CLU: variants seen among roughly 807,000 people sequenced by gnomAD.
CLU encodes aging-associated protein 4.
CLU carries 25 observed loss-of-function variants against 46.4 expected under a neutral mutation model. The observed-to-expected ratio is 0.54, with a 90% CI of 0.39 to 0.75. CLU has a LOEUF of 0.75. Ranked by LOEUF, CLU falls within the 30% of genes least tolerant of loss-of-function variation. The pLI is 0.00. For missense variants in CLU, 504 were observed against 592.1 expected (o/e 0.85, Z 1.54); for synonymous variants, 235 against 235.1 (o/e 1.00, Z 0.00).
At chr8:27,598,806 A>C (rs1800664062) in intron 7 of CLU, 171 bp from the exon 8 acceptor site, 2 of 659,420 alleles carry the variant, frequency 3.0e-6, no homozygotes, top group Non-Finnish European at 5.3e-6. Flanking sequence ...CTCAGTGGAC[A>C]GAACGGACCT....
rs1221611038 is a variant in CLU at position 27,605,114 on chromosome 8, G to A, written c.639C>T (p.His213=). 6.2e-7 allele frequency: 1 copy of A among 1,614,176 alleles called. No homozygotes were observed. The highest frequency in any genetic ancestry group is 1.1e-5 in the South Asian group (1 of 91,082). Reference sequence around the variant, plus strand: ...TGGGAAAGAAGAAGTGAGGCCTCCGGTGGGGCAGGCTGAAGGGCAGGTAGT... The same window carrying A: ...TGGGAAAGAAGAAGTGAGGCCTCCGATGGGGCAGGCTGAAGGGCAGGTAGT... ...TYHYLPFSLP[H]RRPHFFFPKS... is the part of the protein sequence containing the mutation. The change falls in exon 5 of 9, where the codon CAC becomes CAT. Residue 213 remains histidine, a synonymous_variant. Transcript: ENST00000316403.
rs936356166 is a variant in CLU at position 27,597,230 on chromosome 8, G to A, written c.*1011C>T. ...GCAGCCAGATGAGTTTTGTTCCATT[G>A]CAGTACATCTGATGACCAGAATTCT... On this transcript the variant is annotated 3_prime_UTR_variant, in exon 9 of 9. Coordinates refer to ENST00000316403, the MANE Select transcript of CLU (RefSeq NM_001831.4). The A allele has an allele frequency of 2.2e-6, 1 of 454,300 alleles. No individual in the cohort carries two copies. The highest frequency in any genetic ancestry group is 4.4e-6 in the Non-Finnish European group (1 of 226,790). 28.1% of individuals were successfully genotyped at this position (454,300 alleles called of 1,614,324 possible).
intron 6 of CLU, 79 bp downstream of exon 6, chr8:27,604,212 G>GGCA: frequency 9.1e-7 from 1 of 1,100,382 alleles, no homozygotes; most frequent in East Asian, 2.4e-5. Context: ...ACTCCATAAA[G>GGCA]GCAGCACCAG....
rs934053534 is a variant in CLU, at chr8:27,599,392, A to G, written c.1164+388T>C. The G allele has an allele frequency of 4.2e-5, 11 of 264,326 alleles. No individual in the cohort carries two copies. The highest frequency in any genetic ancestry group is 2.4e-4 in the African/African-American group (11 of 44,914). 16.4% of individuals were successfully genotyped at this position (264,326 alleles called of 1,614,324 possible). A position where few individuals can be genotyped will look rare whatever the true frequency, so the allele number is the denominator to read the frequency against. ...CTGGCAGAGAGTGATGTACTAATTC[A>G]TAAGCCATTTTACATGCCAGAGGGC... On this transcript the variant is annotated intron_variant, in intron 7 of 8. Coordinates refer to ENST00000316403, the MANE Select transcript of CLU (RefSeq NM_001831.4). The surrounding 1 kb of genome is among the most constrained non-coding windows in gnomAD (Gnocchi z 4.0).
chr8:27,609,456 G>A (rs1800882908), intron 2 of CLU, among the ~76,000 whole-genome samples: 1 of 151,626 alleles, frequency 6.6e-6, no homozygotes, highest in South Asian at 2.1e-4. Flanking sequence ...TTGTTATTTT[G>A]GACACAAATC....
chr8:27,598,414 GACTC>G (rs1357992600), intron 8 of CLU, 42 bp downstream of exon 8: 29 of 1,611,864 alleles, frequency 1.8e-5, no homozygotes, highest in Non-Finnish European at 2.5e-5. Context: ...GGCTCCCAGA[GACTC>G]ACTGGGCCCT....
In CLU at chr8:27,610,404, C is replaced by A. The variant is rs1459059333; in HGVS notation, c.97+71G>T. 4 of 1,229,316 alleles carry A rather than the reference C, an allele frequency of 3.3e-6. No homozygotes were observed. The East Asian group carries it at 7.0e-5, about 21-fold the overall frequency. The allele number at this position is 1,229,316 out of a possible 1,614,324, so 76.2% of individuals were successfully genotyped here. A position where few individuals can be genotyped will look rare whatever the true frequency, so the allele number is the denominator to read the frequency against. Reference sequence around the variant, plus strand: ...TGGGGCCTGATAGAGAGGCACTGAGCAGAATTAGCTACCCTGCCCTCTGAC... The same window carrying A: ...TGGGGCCTGATAGAGAGGCACTGAGAAGAATTAGCTACCCTGCCCTCTGAC... On this transcript the variant is annotated intron_variant, in intron 2 of 8. Transcript: ENST00000316403.
chr8:27,614,500 G>A, intron 1 of CLU, 155 bp downstream of exon 1: 1 of 352,466 alleles, frequency 2.8e-6, no homozygotes, highest in East Asian at 9.4e-5. Flanking sequence ...TGGGGCTCCG[G>A]CCACCTCCCC....
At chr8:27,606,950 G>C (rs1399235463) in intron 3 of CLU, among the ~76,000 whole-genome samples, 1 of 152,158 alleles carries the variant, frequency 6.6e-6, no homozygotes, top group South Asian at 2.1e-4. Context: ...GCCTCCTGGC[G>C]TGCAAAGGGA....
In CLU at chr8:27,614,696, G is replaced by A; in HGVS notation, c.-71C>T. 1 of 533,238 alleles carries A rather than the reference G, an allele frequency of 1.9e-6. No individual in the cohort carries two copies. Among genetic ancestry groups the A allele is most frequent in the Non-Finnish European group, 3.9e-6 (1 of 259,258 alleles). The allele number at this position is 533,238 out of a possible 1,614,324, so 33.0% of individuals were successfully genotyped here. ...GTGCCCGCGCGCTCCTCCTGGCGAC[G>A]CCGCGTTGTGGGCACTGGGAGGCGC... On this transcript the variant is annotated 5_prime_UTR_variant, in exon 1 of 9. Coordinates refer to ENST00000316403, the MANE Select transcript of CLU (RefSeq NM_001831.4).
chr8:27,612,264 C>T (rs778093041), intron 1 of CLU, among the ~76,000 whole-genome samples: 18 of 152,166 alleles, frequency 1.2e-4, no homozygotes, highest in Non-Finnish European at 1.9e-4. Context: ...GATGAGAGCC[C>T]AGCCCTCCCG....
rs1563382888 is a variant in CLU at position 27,598,508 on chromosome 8, A to G, written c.1292T>C (p.Met431Thr). Reference sequence around the variant, plus strand: ...CAGCGCTTTCTCCGCCACGGTCTCCATAAATTTAGGGTTCTTCCTGGAGAC... The same window carrying G: ...CAGCGCTTTCTCCGCCACGGTCTCCGTAAATTTAGGGTTCTTCCTGGAGAC... ...VEVSRKNPKFMETVAEKALQE... is the reference protein window; with the variant it reads ...VEVSRKNPKFTETVAEKALQE... Residue 431 changes from methionine to threonine, a missense_variant, in exon 8 of 9, where the codon ATG becomes ACG. By Grantham distance (81) the Met-to-Thr change is moderately conservative. Coordinates refer to ENST00000316403, the MANE Select transcript of CLU (RefSeq NM_001831.4). 6.2e-7 allele frequency: 1 copy of G among 1,614,144 alleles called. No homozygotes were observed.
intron 1 of CLU, chr8:27,613,515 GCTCCTATCTGCTTCTT>G (rs1159789904): frequency 2.0e-5 from 3 of 152,174 alleles, no homozygotes; most frequent in Non-Finnish European, 4.4e-5. Context: ...CAAAGCCCCG[GCTCCTATCTGCTTCTT>G]CAAATGGAGA....
chr8:27,605,143 A>T lies in CLU; in HGVS notation c.610T>A (p.Tyr204Asn), dbSNP rs749584306. The T allele has an allele frequency of 6.2e-7, 1 of 1,614,186 alleles. No homozygotes were observed. The highest frequency in any genetic ancestry group is 8.5e-7 in the Non-Finnish European group (1 of 1,180,024). The stretch of plus-strand genomic sequence containing the variant: ...GGCAGGCTGAAGGGCAGGTAGTGGT[A>T]GGTATCCTGGGGCTCCCGGGTGAAG... ...RFFTREPQDT[Y>N]HYLPFSLPHR... is the part of the protein sequence containing the mutation. Residue 204 changes from tyrosine (Y) to asparagine (N), a missense_variant, in exon 5 of 9, where the codon TAC becomes AAC. Transcript: ENST00000316403.
Position 27,599,553 on chromosome 8 carries a change from T to C in CLU, c.1164+227A>G. 1.8e-6 allele frequency: 1 copy of C among 552,768 alleles called. No homozygotes were observed. The highest frequency in any genetic ancestry group is 3.1e-5 in the East Asian group (1 of 32,452). The allele number at this position is 552,768 out of a possible 1,614,324, so 34.2% of individuals were successfully genotyped here. A position where few individuals can be genotyped will look rare whatever the true frequency, so the allele number is the denominator to read the frequency against. ...TTCAAATACCCGTCCAAGTCATCTG[T>C]CAGCTATCACACCTTGGCCAAGCTG... On this transcript the variant is annotated intron_variant, in intron 7 of 8. Coordinates refer to ENST00000316403, the MANE Select transcript of CLU (RefSeq NM_001831.4). The surrounding 1 kb of genome is among the most constrained non-coding windows in gnomAD (Gnocchi z 4.0).
rs1410052189 is a variant in CLU at position 27,605,141 on chromosome 8, G to A, written c.612C>T (p.Tyr204=). The part of the protein sequence containing the change: ...RFFTREPQDT[Y]HYLPFSLPHR... Reference sequence around the variant, plus strand: ...GGGGCAGGCTGAAGGGCAGGTAGTGGTAGGTATCCTGGGGCTCCCGGGTGA... The same window carrying A: ...GGGGCAGGCTGAAGGGCAGGTAGTGATAGGTATCCTGGGGCTCCCGGGTGA... The change falls in exon 5 of 9, where the codon TAC becomes TAT. Residue 204 remains tyrosine, a synonymous_variant. Transcript: ENST00000316403. 2 of 1,614,198 alleles carry A rather than the reference G, an allele frequency of 1.2e-6. No individual in the cohort carries two copies. Among genetic ancestry groups the A allele is most frequent in the South Asian group, 1.1e-5 (1 of 91,082 alleles).
At chr8:27,610,403 G>A (rs1800901422) in intron 2 of CLU, 72 bp downstream of exon 2, 1 of 1,212,864 alleles carries the variant, frequency 8.2e-7, no homozygotes, top group African/African-American at 1.5e-5. Context: ...GAGGCACTGA[G>A]CAGAATTAGC....
chr8:27,614,466 G>T, intron 1 of CLU, 189 bp downstream of exon 1: 1 of 333,624 alleles, frequency 3.0e-6, no homozygotes, highest in Non-Finnish European at 5.8e-6. Context: ...TTGCGCCGGG[G>T]CCCCTGGCTC....
At chr8:27,598,828 A>G in intron 7 of CLU, 193 bp from the exon 8 acceptor site, 1 of 615,960 alleles carries the variant, frequency 1.6e-6, no homozygotes, top group Non-Finnish European at 2.9e-6. Flanking sequence ...GTTCACAGAC[A>G]CTCATGTGTT....
Sources: gnomAD v4.1 joint callset for allele counts (sites outside exome capture counted in the v4.1 genomes callset) on GRCh38, gnomAD v4.1.1 for gene constraint, Gnocchi (gnomAD v3.1) non-coding constraint, MANE v1.5 for transcripts, NCBI Gene and HGNC (gene_info 2026-07-23, HGNC 2026-07-21) for gene names.